Variants in MYO5B observed in about 807,000 individuals in gnomAD.
The protein encoded by MYO5B is unconventional myosin-Vb.
A neutral mutation model predicts 229.3 loss-of-function variants in MYO5B; 143 were observed. That is an observed-to-expected ratio of 0.62 (90% CI 0.54 to 0.72). MYO5B has a LOEUF of 0.72. Ranked by LOEUF, MYO5B falls within the 30% of genes least tolerant of loss-of-function variation. The pLI, the probability that MYO5B is intolerant of heterozygous loss-of-function variation, is 0.00. For synonymous variants in MYO5B, 918 were observed against 885.2 expected (o/e 1.04, Z -0.66); for missense variants, 2,321 against 2,331.0 (o/e 1.00, Z 0.09).
chr18:50,003,118 T>C (rs529391191), intron 4 of MYO5B, among the ~76,000 whole-genome samples: 1 of 152,210 alleles, frequency 6.6e-6, no homozygotes, highest in South Asian at 2.1e-4. Context: ...AGTCATGAGG[T>C]AGCTGAGATG....
chr18:50,069,971 G>C (rs1282633074), intron 1 of MYO5B, among the ~76,000 whole-genome samples: 2 of 150,544 alleles, frequency 1.3e-5, no homozygotes, highest in Non-Finnish European at 2.9e-5. Flanking sequence ...CCACTCTGCT[G>C]CCTTAGTTCT....
At chr18:50,187,649 AG>A (rs2033166606) in intron 1 of MYO5B, among the ~76,000 whole-genome samples, 1 of 152,114 alleles carries the variant, frequency 6.6e-6, no homozygotes, top group East Asian at 1.9e-4. Flanking sequence ...CAGAGTAGCT[AG>A]GACCACAGGT....
chr18:49,937,439 T>A, intron 14 of MYO5B, 42 bp from the exon 15 acceptor site: 1 of 1,604,252 alleles, frequency 6.2e-7, no homozygotes, highest in African/African-American at 1.3e-5. Context: ...TGACATCTCC[T>A]GCACCTTACA....
At chr18:49,892,001 G>GC (rs35831905) in intron 22 of MYO5B, among the ~76,000 whole-genome samples, 152,219 of 152,224 alleles carry the variant, frequency 1, 76,107 homozygotes, top group Non-Finnish European at 1. Flanking sequence ...CCTGCACCAA[G>GC]TAAGCCTTGC....
At chr18:50,096,749 A>T (rs1438648092) in intron 1 of MYO5B, among the ~76,000 whole-genome samples, 1 of 152,224 alleles carries the variant, frequency 6.6e-6, no homozygotes, top group Non-Finnish European at 1.5e-5. Flanking sequence ...CACCGTCATC[A>T]TCAAACCCCC....
At chr18:50,156,364 G>A (rs1208003607) in intron 1 of MYO5B, among the ~76,000 whole-genome samples, 3 of 152,176 alleles carry the variant, frequency 2.0e-5, no homozygotes, top group African/African-American at 7.2e-5. Context: ...GGAGGGACCA[G>A]GTGGAGATAA....
At chr18:49,945,222 A>G (rs999510619) in intron 14 of MYO5B, among the ~76,000 whole-genome samples, 4 of 151,758 alleles carry the variant, frequency 2.6e-5, no homozygotes, top group Non-Finnish European at 4.4e-5. Flanking sequence ...GGCTCCAACC[A>G]TCCCTCCCAG....
intron 13 of MYO5B, 107 bp downstream of exon 13, chr18:49,954,206 G>A (rs2025465581): frequency 1.3e-6 from 2 of 1,527,948 alleles, no homozygotes; most frequent in Non-Finnish European, 1.8e-6. Flanking sequence ...TGAGGCTTCA[G>A]GCCATTTGAA....
intron 17 of MYO5B, among the ~76,000 whole-genome samples, chr18:49,920,977 CAT>C (rs2025068120): frequency 6.6e-6 from 1 of 152,142 alleles, no homozygotes; most frequent in Non-Finnish European, 1.5e-5. Context: ...GATAATGACT[CAT>C]ATCATTCCAA....
chr18:50,187,257 G>A (rs1393947761), intron 1 of MYO5B, among the ~76,000 whole-genome samples: 1 of 152,130 alleles, frequency 6.6e-6, no homozygotes, highest in East Asian at 1.9e-4. Context: ...GTAGTAATGA[G>A]TACACCTAGC....
At chr18:49,876,600 A>G (rs920797226) in intron 25 of MYO5B, among the ~76,000 whole-genome samples, 8 of 152,232 alleles carry the variant, frequency 5.3e-5, no homozygotes. Flanking sequence ...CTTAAAGAAC[A>G]TAAAACCAGT....
In MYO5B at chr18:49,904,664, CT is replaced by C; in HGVS notation, c.2571+7del. On this transcript the variant is annotated splice_region_variant and intron_variant, in intron 20 of 39. Transcript: ENST00000285039. ...TGCAGCCCTGAGGCCCTCAGAGTGG[CT>C]ACTCACCTGGCGGTAGGTTCTCCGC... 6.2e-7 allele frequency: 1 copy of C among 1,613,710 alleles called. No homozygotes were observed. Among genetic ancestry groups the C allele is most frequent in the Non-Finnish European group, 8.5e-7 (1 of 1,180,048 alleles).
At chr18:50,055,225 G>GGGCCCCCCCCCC in intron 2 of MYO5B, 43 bp downstream of exon 2, 14 of 700,366 alleles carry the variant, frequency 2.0e-5, no homozygotes, top group South Asian at 3.0e-5. Context: ...TGAGCTCCCT[G>GGGCCCCCCCCCC]CCCCACCTCA....
At chr18:49,933,244 A>G (rs1790783) in intron 16 of MYO5B, among the ~76,000 whole-genome samples, 109,919 of 152,106 alleles carry the variant, frequency 0.72, 40,159 homozygotes, top group Middle Eastern at 0.84. Context: ...GGTCCTCCAC[A>G]AAGCGTTCCC....
chr18:49,942,548 GGC>G (rs1598900135), intron 14 of MYO5B, among the ~76,000 whole-genome samples: 1 of 151,974 alleles, frequency 6.6e-6, no homozygotes, highest in Admixed American at 6.5e-5. Flanking sequence ...TCAAAAAGTG[GGC>G]GCAGGATATG....
intron 18 of MYO5B, among the ~76,000 whole-genome samples, chr18:49,911,471 G>A (rs535981874): frequency 3.9e-5 from 6 of 152,244 alleles, no homozygotes; most frequent in Admixed American, 1.3e-4. Flanking sequence ...ATAAAGAAAG[G>A]CAGAGTAGTT....
intron 1 of MYO5B, among the ~76,000 whole-genome samples, chr18:50,058,721 GA>G (rs543631535): frequency 7.2e-4 from 109 of 152,214 alleles, no homozygotes; most frequent in Middle Eastern, 6.8e-3. Context: ...TGAGGCAGAA[GA>G]ATCGCTTGAG....
chr18:49,926,911 C>CCACT (rs2025134081), intron 17 of MYO5B, among the ~76,000 whole-genome samples: 2 of 152,206 alleles, frequency 1.3e-5, no homozygotes, highest in Admixed American at 1.3e-4. Flanking sequence ...CTGAAATAAG[C>CCACT]CACTCACAAA....
intron 1 of MYO5B, among the ~76,000 whole-genome samples, chr18:50,094,462 T>A (rs1015295316): frequency 2.7e-5 from 3 of 111,170 alleles, no homozygotes; most frequent in African/African-American, 1.0e-4. Flanking sequence ...AGTACTGAGT[T>A]TTTTTTTGTA....
Sources: allele counts gnomAD v4.1 joint callset (sites outside exome capture counted in the v4.1 genomes callset), GRCh38; gene constraint gnomAD v4.1.1; transcripts MANE v1.5; gene names NCBI Gene and HGNC (gene_info 2026-07-23, HGNC 2026-07-21).